SNTG1: variants seen among roughly 807,000 people sequenced by gnomAD.
The protein encoded by SNTG1 is syntrophin gamma 1, also known as gamma-1-syntrophin.
In SNTG1, 39 loss-of-function variants were observed where a neutral mutation model predicts 74.7. The ratio of observed to expected loss-of-function variants is 0.52; its 90% CI spans 0.40 to 0.68. The LOEUF is 0.68. SNTG1 is among the 30% of genes least tolerant of loss of function. The pLI, the probability that SNTG1 is intolerant of heterozygous loss-of-function variation, is 0.00. For synonymous variants in SNTG1, 254 were observed against 217.1 expected (o/e 1.17, Z -1.49); for missense variants, 685 against 609.5 (o/e 1.12, Z -1.30).
chr8:50,587,250 A>G (rs954364708), intron 12 of SNTG1, among the ~76,000 whole-genome samples: 5 of 151,920 alleles, frequency 3.3e-5, no homozygotes, highest in African/African-American at 1.2e-4. Flanking sequence ...GTATGCATAT[A>G]TATGTGTATA....
chr8:50,257,295 T>TA (rs2086931906), intron 2 of SNTG1, among the ~76,000 whole-genome samples: 2 of 152,282 alleles, frequency 1.3e-5, no homozygotes, highest in East Asian at 3.9e-4. Context: ...TGTAGTTTTC[T>TA]TGCCAGGAGG....
intron 2 of SNTG1, among the ~76,000 whole-genome samples, chr8:50,386,096 G>A (rs1412365615): frequency 1.3e-5 from 2 of 152,140 alleles, no homozygotes; most frequent in South Asian, 2.1e-4. Flanking sequence ...CATAGCAACA[G>A]CTCTCACTCC....
In SNTG1 at chr8:50,403,045, C is replaced by T. The variant is rs770004520; in HGVS notation, c.162+701C>T. On this transcript the variant is annotated intron_variant, in intron 4 of 18. Transcript: ENST00000642720. ...TCTGCTAAAAGACATTATCATAAGA[C>T]GAGTTCTGGAGTTTATCATTCATTG... 5.9e-5 allele frequency among the ~76,000 whole-genome samples: 9 copies of T among 152,130 alleles called. No homozygotes were observed. The South Asian group carries it at 6.2e-4, about 11-fold the overall frequency.
chr8:49,942,696 T>C (rs1808807969), intron 1 of SNTG1, among the ~76,000 whole-genome samples: 1 of 152,192 alleles, frequency 6.6e-6, no homozygotes, highest in Admixed American at 6.5e-5. Context: ...GTCCCTATAT[T>C]GGGGTTTCTT....
rs565114205 is a variant in SNTG1 at position 49,971,758 on chromosome 8, A to C, written c.-103+59527A>C. 6.6e-5 allele frequency among the ~76,000 whole-genome samples: 10 copies of C among 152,308 alleles called. No homozygotes were observed. The East Asian group carries it at 1.7e-3, about 26-fold the overall frequency. ...AGAGCCAAATCATGAGTGAACTCCC[A>C]TTCACAATTGCTTCAAAGAGAATAA... On this transcript the variant is annotated intron_variant, in intron 1 of 18. Coordinates refer to ENST00000642720, the MANE Select transcript of SNTG1 (RefSeq NM_018967.5).
rs2093564427 is a variant in SNTG1 at position 50,461,720 on chromosome 8, A to ATAGT, written c.363+10992_363+10993insAGTT. ...AGTAGGATTTGCTGTTGTTGTTGTT[A>ATAGT]TTGTTTGTTTGTTTGTTTTGTTTTG... On this transcript the variant is annotated intron_variant, in intron 8 of 18. Transcript: ENST00000642720. Among the ~76,000 whole-genome samples the ATAGT allele has an allele frequency of 5.1e-5, 5 of 97,544 alleles. No individual in the cohort carries two copies. The Admixed American group carries it at 5.7e-4, about 11-fold the overall frequency. The allele number at this position is 97,544 out of a possible 152,430, so 64.0% of individuals were successfully genotyped here.
At chr8:49,913,544 A>G (rs935270858) in intron 1 of SNTG1, among the ~76,000 whole-genome samples, 4 of 152,164 alleles carry the variant, frequency 2.6e-5, no homozygotes, top group Non-Finnish European at 5.9e-5. Context: ...CTGCTTGCTT[A>G]GCAGAAAAGG....
At chr8:50,307,917 C>T (rs929138187) in intron 2 of SNTG1, among the ~76,000 whole-genome samples, 20 of 151,972 alleles carry the variant, frequency 1.3e-4, no homozygotes, top group Admixed American at 7.2e-4. Context: ...AGGCACTGTC[C>T]CACATTCTGA....
chr8:50,420,021 G>T (rs1163629341), intron 4 of SNTG1, among the ~76,000 whole-genome samples: 4 of 152,056 alleles, frequency 2.6e-5, no homozygotes, highest in African/African-American at 9.6e-5. Context: ...AATAAGAAGT[G>T]TCTCAGGGAC....
At chr8:49,950,560 A>G (rs1335545784) in intron 1 of SNTG1, among the ~76,000 whole-genome samples, 1 of 152,228 alleles carries the variant, frequency 6.6e-6, no homozygotes, top group Non-Finnish European at 1.5e-5. Flanking sequence ...TTTTCATACC[A>G]TTATACTATA....
intron 12 of SNTG1, among the ~76,000 whole-genome samples, chr8:50,578,043 G>C (rs1585739572): frequency 1.3e-5 from 2 of 152,298 alleles, no homozygotes; most frequent in East Asian, 3.9e-4. Flanking sequence ...TACCTCAAAA[G>C]ATAGCTAATT....
intron 12 of SNTG1, among the ~76,000 whole-genome samples, chr8:50,557,459 C>T (rs1251416741): frequency 6.6e-6 from 1 of 152,196 alleles, no homozygotes; most frequent in Non-Finnish European, 1.5e-5. Context: ...TCTCACAATT[C>T]TGTGGCCCAT....
chr8:50,184,150 G>A (rs1042268945), intron 2 of SNTG1, among the ~76,000 whole-genome samples: 9 of 151,984 alleles, frequency 5.9e-5, no homozygotes, highest in Admixed American at 5.9e-4. Flanking sequence ...ATACAAATAT[G>A]GTTACATCTT....
intron 8 of SNTG1, among the ~76,000 whole-genome samples, chr8:50,481,286 C>T (rs1037635625): frequency 3.9e-5 from 6 of 152,026 alleles, no homozygotes; most frequent in Non-Finnish European, 5.9e-5. Context: ...GAGGCTGAGG[C>T]GGGAGAATTG....
intron 13 of SNTG1, chr8:50,644,195 G>A (rs955310835): frequency 6.6e-6 from 1 of 152,214 alleles, no homozygotes; most frequent in Non-Finnish European, 1.5e-5. Flanking sequence ...GATTTGTTAG[G>A]TGCTGTGGAC....
chr8:50,380,234 T>C (rs1450097824), intron 2 of SNTG1, among the ~76,000 whole-genome samples: 1 of 152,176 alleles, frequency 6.6e-6, no homozygotes. Context: ...TCACACAAAA[T>C]GAAACTCAAG....
intron 1 of SNTG1, among the ~76,000 whole-genome samples, chr8:50,038,325 G>A (rs1220676779): frequency 6.6e-6 from 1 of 152,066 alleles, no homozygotes; most frequent in Non-Finnish European, 1.5e-5. Flanking sequence ...CTGGTTCTGG[G>A]AACTGTAGTT....
intron 2 of SNTG1, among the ~76,000 whole-genome samples, chr8:50,324,576 C>A (rs1279014981): frequency 1.3e-5 from 2 of 152,062 alleles, no homozygotes. Flanking sequence ...GCTCTGCCCC[C>A]AAATCTCCTT....
At chr8:50,401,917 A>C (rs930676565) in intron 3 of SNTG1, among the ~76,000 whole-genome samples, 1 of 152,226 alleles carries the variant, frequency 6.6e-6, no homozygotes, top group Non-Finnish European at 1.5e-5. Flanking sequence ...TAAGTATTAC[A>C]AAAATCCTCA....
Sources: gnomAD v4.1 joint callset for allele counts (sites outside exome capture counted in the v4.1 genomes callset) on GRCh38, gnomAD v4.1.1 for gene constraint, MANE v1.5 for transcripts, NCBI Gene and HGNC (gene_info 2026-07-23, HGNC 2026-07-21) for gene names.